Variants in DUSP4 observed in about 807,000 individuals in gnomAD.
The protein encoded by DUSP4 is dual specificity protein phosphatase 4.
Under a neutral mutation model 27.2 loss-of-function variants are expected in DUSP4, and 12 were observed. The ratio of observed to expected loss-of-function variants is 0.44; its 90% CI spans 0.28 to 0.71. DUSP4 has a LOEUF of 0.71. DUSP4 is among the 30% of genes least tolerant of loss of function. DUSP4 has a pLI of 0.14. For synonymous variants in DUSP4, 257 were observed against 245.2 expected (o/e 1.05, Z -0.45); for missense variants, 448 against 551.3 (o/e 0.81, Z 1.88).
chr8:29,340,386 G>A (rs1817641323), intron 1 of DUSP4, 143 bp from the exon 2 acceptor site: 1 of 1,067,800 alleles, frequency 9.4e-7, no homozygotes, highest in Non-Finnish European at 1.3e-6. Context: ...TGGCGCTGTG[G>A]ACCTAGAGAA....
At position 29,350,448 on chromosome 8, in the gene DUSP4, C is replaced by G; in HGVS notation, c.-170G>C. The G allele has an allele frequency of 2.5e-6, 2 of 786,176 alleles. No individual in the cohort carries two copies. The allele number at this position is 786,176 out of a possible 1,614,324, so 48.7% of individuals were successfully genotyped here. A position where few individuals can be genotyped will look rare whatever the true frequency, so the allele number is the denominator to read the frequency against. ...GAGCCTCTTCTTCCCTGTCCCCTTCCTCCCGCAGCCTCGCGGTCACATAGC... is the reference window on the plus strand; with the variant it reads ...GAGCCTCTTCTTCCCTGTCCCCTTCGTCCCGCAGCCTCGCGGTCACATAGC... On this transcript the variant is annotated 5_prime_UTR_variant, in exon 1 of 4. Coordinates refer to ENST00000240100, the MANE Select transcript of DUSP4 (RefSeq NM_001394.7).
chr8:29,348,878 G>T, intron 1 of DUSP4: 15 of 819,108 alleles, frequency 1.8e-5, no homozygotes, highest in Non-Finnish European at 2.2e-5. Flanking sequence ...AGGCGGAGGC[G>T]CAGCGCGGCG....
chr8:29,344,791 T>C (rs1371230575), intron 1 of DUSP4, among the ~76,000 whole-genome samples: 2 of 151,476 alleles, frequency 1.3e-5, no homozygotes, highest in African/African-American at 4.9e-5. Context: ...GGATTTGTGA[T>C]GGGGAAGACT....
At chr8:29,338,969 A>T (rs751637426) in intron 2 of DUSP4, among the ~76,000 whole-genome samples, 2 of 152,216 alleles carry the variant, frequency 1.3e-5, no homozygotes, top group African/African-American at 2.4e-5. Context: ...AGGTGGCAGG[A>T]TCATGTGAGC....
rs111951397 is a variant in DUSP4, at chr8:29,338,439, T to C, written c.642A>G (p.Arg214=). 1.8e-5 allele frequency: 29 copies of C among 1,614,046 alleles called. No individual in the cohort carries two copies. The highest frequency in any genetic ancestry group is 1.7e-4 in the African/African-American group (13 of 74,972). ...YLGSAYHAAR[R]DMLDALGITA... ...TGATGCCCAGGGCGTCCAGCATGTC[T>C]CTCCGGGCAGCATGGTAGGCACTGC... The change falls in exon 3 of 4, where the codon AGA becomes AGG. Residue 214 remains arginine (R), a synonymous_variant. Transcript: ENST00000240100.
rs374796294 is a variant in DUSP4, at chr8:29,348,332, T to C, written c.433+1514A>G. ...CAAACAATGGCGCGGACGCCCACCC[T>C]GGTGGCCTAACCAGGACCTGGCCCC... On this transcript the variant is annotated intron_variant, in intron 1 of 3. Coordinates refer to ENST00000240100, the MANE Select transcript of DUSP4 (RefSeq NM_001394.7). 7.6e-5 allele frequency: 75 copies of C among 985,606 alleles called. No homozygotes were observed. The African/African-American group carries it at 1.1e-3, about 15-fold the overall frequency. 61.1% of individuals were successfully genotyped at this position (985,606 alleles called of 1,614,324 possible).
intron 1 of DUSP4, among the ~76,000 whole-genome samples, chr8:29,344,911 G>A (rs1399297882): frequency 1.3e-5 from 2 of 151,810 alleles, no homozygotes; most frequent in African/African-American, 2.4e-5. Flanking sequence ...CACGATTATG[G>A]CTCACTGTAG....
chr8:29,337,171 G>A lies in DUSP4; in HGVS notation c.1040C>T (p.Ser347Leu), dbSNP rs919580482. 5.0e-6 allele frequency: 8 copies of A among 1,612,058 alleles called. No homozygotes were observed. In the South Asian group the frequency reaches 5.5e-5, roughly 11 times the overall value. ...TSCAAEAASPSGPLRERGKTP... is the reference protein window; with the variant it reads ...TSCAAEAASPLGPLRERGKTP... ...CTTGCCCCGCTCCCGCAGGGGTCCC[G>A]AGGGGCTAGCAGCCTCCGCAGCACA... The change falls in exon 4 of 4, where the codon TCG becomes TTG. Residue 347 changes from serine to leucine, a missense_variant. By Grantham distance (145) the Ser-to-Leu change is moderately radical. This residue lies in a region of DUSP4 where 100 missense variants were observed against 139.8 expected (regional missense o/e 0.72). Transcript: ENST00000240100. This position sits in a 1 kb window ranked among gnomAD's most constrained non-coding sequence, Gnocchi z 6.4.
In DUSP4 at chr8:29,336,928, G is replaced by A. The variant is rs939656467; in HGVS notation, c.*98C>T. ...GAAATGATGGGGAAGGAGCTCGGTCGCCTGCTCCCAGCTGCTCAGTCCCAA... is the reference window on the plus strand; with the variant it reads ...GAAATGATGGGGAAGGAGCTCGGTCACCTGCTCCCAGCTGCTCAGTCCCAA... On this transcript the variant is annotated 3_prime_UTR_variant, in exon 4 of 4. Coordinates refer to ENST00000240100, the MANE Select transcript of DUSP4 (RefSeq NM_001394.7). 1.8e-5 allele frequency: 26 copies of A among 1,428,226 alleles called. No individual in the cohort carries two copies. The highest frequency in any genetic ancestry group is 7.6e-5 in the East Asian group (3 of 39,500). 88.5% of individuals were successfully genotyped at this position (1,428,226 alleles called of 1,614,324 possible). A position where few individuals can be genotyped will look rare whatever the true frequency, so the allele number is the denominator to read the frequency against.
intron 2 of DUSP4, among the ~76,000 whole-genome samples, chr8:29,339,648 C>T (rs988420102): frequency 2.0e-5 from 3 of 152,100 alleles, no homozygotes; most frequent in Non-Finnish European, 4.4e-5. Context: ...CCTAACATCC[C>T]ACCCCAATAC....
chr8:29,338,745 G>T (rs1319771034), intron 2 of DUSP4, among the ~76,000 whole-genome samples: 1 of 152,326 alleles, frequency 6.6e-6, no homozygotes, highest in African/African-American at 2.4e-5. Context: ...GTAAAGTCTT[G>T]TGGGACTCTC....
Position 29,338,321 on chromosome 8 carries a change from C to T in DUSP4, c.760G>A (p.Asp254Asn), listed in dbSNP as rs764888128. ...GCTTCCATGAACCAGGAGCTGATGTCGGCCTTGTGGTTATCTTCCACTGGG... is the reference window on the plus strand; with the variant it reads ...GCTTCCATGAACCAGGAGCTGATGTTGGCCTTGTGGTTATCTTCCACTGGG... ...CIPVEDNHKADISSWFMEAIE... is the reference protein window; with the variant it reads ...CIPVEDNHKANISSWFMEAIE... The change falls in exon 3 of 4, where the codon GAC (aspartate) becomes AAC (asparagine). Residue 254 changes from aspartate to asparagine, a missense_variant. This residue lies in a region of DUSP4 where 345 missense variants were observed against 394.0 expected (regional missense o/e 0.88). Transcript: ENST00000240100. 2.8e-5 allele frequency: 45 copies of T among 1,614,044 alleles called. No individual in the cohort carries two copies. Among genetic ancestry groups the T allele is most frequent in the Middle Eastern group, 1.6e-4 (1 of 6,084 alleles).
At chr8:29,349,053 C>G (rs1817782535) in intron 1 of DUSP4, among the ~76,000 whole-genome samples, 1 of 152,238 alleles carries the variant, frequency 6.6e-6, no homozygotes. Context: ...GTCTCGCCGC[C>G]GAGAGTTTCG....
In DUSP4 at chr8:29,349,982, G is replaced by A. The variant is rs1454078536; in HGVS notation, c.297C>T (p.Ser99=). The change falls in exon 1 of 4, where the codon TCC becomes TCT. Residue 99 remains serine, a synonymous_variant. Coordinates refer to ENST00000240100, the MANE Select transcript of DUSP4 (RefSeq NM_001394.7). ...AEEEVRARLR[S]GLYSAVIVYD... ...AGACGATGACCGCCGAGTAGAGGCC[G>A]GAGCGCAAGCGGGCGCGTACCTCCT... 6.4e-7 allele frequency: 1 copy of A among 1,574,440 alleles called. No homozygotes were observed. The highest frequency in any genetic ancestry group is 8.6e-7 in the Non-Finnish European group (1 of 1,165,052).
intron 1 of DUSP4, chr8:29,348,320 G>A (rs1817765247): frequency 2.0e-6 from 2 of 985,464 alleles, no homozygotes; most frequent in African/African-American, 3.5e-5. Context: ...ACAATGGCGC[G>A]GACGCCCACC....
rs1239235136 is a variant in DUSP4 at position 29,335,134 on chromosome 8, T to G, written c.*1892A>C. ...TTCTAGACAAGTTTGCAACAACCTC[T>G]AAGCTGGCACTCCATAACAAGACTG... On this transcript the variant is annotated 3_prime_UTR_variant, in exon 4 of 4. Transcript: ENST00000240100. 6.6e-6 allele frequency: 1 copy of G among 152,160 alleles called. No homozygotes were observed. Among genetic ancestry groups the G allele is most frequent in the Non-Finnish European group, 1.5e-5 (1 of 68,004 alleles). 9.4% of individuals were successfully genotyped at this position (152,160 alleles called of 1,614,324 possible).
At chr8:29,346,008 C>A in intron 1 of DUSP4, 2 of 986,978 alleles carry the variant, frequency 2.0e-6, no homozygotes, top group South Asian at 9.4e-5. Flanking sequence ...TTGACATCCC[C>A]CAGAGCTGTG....
Position 29,340,010 on chromosome 8 carries a change from A to G in DUSP4, c.579+88T>C, listed in dbSNP as rs1243129172. ...GACTGTCTCAAAAGCAAAGACAAAA[A>G]ACACCGTCAGAACTCTGAAAAGAAG... On this transcript the variant is annotated intron_variant, in intron 2 of 3. Transcript: ENST00000240100. 6.1e-6 allele frequency: 9 copies of G among 1,475,430 alleles called. No homozygotes were observed. In the East Asian group the frequency reaches 2.2e-4, roughly 37 times the overall value. 91.4% of individuals were successfully genotyped at this position (1,475,430 alleles called of 1,614,324 possible).
intron 1 of DUSP4, among the ~76,000 whole-genome samples, chr8:29,342,802 A>G (rs1817673397): frequency 6.6e-6 from 1 of 152,238 alleles, no homozygotes. Flanking sequence ...AAAAGGCACC[A>G]TTAGAAGGCA....
Sources: allele counts gnomAD v4.1 joint callset (sites outside exome capture counted in the v4.1 genomes callset), GRCh38; gene constraint gnomAD v4.1.1; regional missense constraint gnomAD v4.1.1; non-coding constraint Gnocchi (gnomAD v3.1); transcripts MANE v1.5; gene names NCBI Gene and HGNC (gene_info 2026-07-23, HGNC 2026-07-21).